Variants in SRPK2 observed in about 807,000 individuals in gnomAD.
SRPK2 encodes SRSF protein kinase 2, also known as SFRS protein kinase 2.
A neutral mutation model predicts 90.8 loss-of-function variants in SRPK2; 21 were observed. That is an observed-to-expected ratio of 0.23 (90% CI 0.16 to 0.33). SRPK2 has a LOEUF of 0.33. SRPK2 is among the 10% of genes least tolerant of loss of function. SRPK2 has a pLI of 1.00. For missense variants in SRPK2, 620 were observed against 869.0 expected, an observed-to-expected ratio of 0.71 and a Z score of 3.60; for synonymous variants, 288 against 311.1, an observed-to-expected ratio of 0.93 and a Z score of 0.78.
At chr7:105,145,749 T>A (rs1804524656) in intron 8 of SRPK2, among the ~76,000 whole-genome samples, 1 of 152,190 alleles carries the variant, frequency 6.6e-6, no homozygotes, top group South Asian at 2.1e-4. Context: ...CTGCAGTTGG[T>A]ATGCAGCAAA....
chr7:105,132,273 G>T (rs1157927224), intron 13 of SRPK2, among the ~76,000 whole-genome samples: 1 of 152,234 alleles, frequency 6.6e-6, no homozygotes, highest in Non-Finnish European at 1.5e-5. Flanking sequence ...TATAAGGGAA[G>T]AGAGATTATG....
intron 2 of SRPK2, among the ~76,000 whole-genome samples, chr7:105,287,131 G>A (rs1380181281): frequency 6.7e-6 from 1 of 150,086 alleles, no homozygotes; most frequent in African/African-American, 2.4e-5. Flanking sequence ...CGTAGTGGCG[G>A]GCGCCTGTAG....
intron 2 of SRPK2, among the ~76,000 whole-genome samples, chr7:105,281,571 G>A (rs1404060087): frequency 1.3e-5 from 2 of 151,800 alleles, no homozygotes; most frequent in Non-Finnish European, 2.9e-5. Flanking sequence ...AGGATCACTT[G>A]AGCCTTGAAG....
chr7:105,131,662 A>T (rs1401052043), intron 13 of SRPK2, among the ~76,000 whole-genome samples: 4 of 152,176 alleles, frequency 2.6e-5, no homozygotes, highest in African/African-American at 9.7e-5. Flanking sequence ...CAATGCTTTT[A>T]CTTGAGCATT....
intron 2 of SRPK2, among the ~76,000 whole-genome samples, chr7:105,322,951 T>C (rs545185245): frequency 1.3e-5 from 2 of 151,984 alleles, no homozygotes; most frequent in South Asian, 4.1e-4. Context: ...GTAATCCCAG[T>C]ACTTTGGGAG....
chr7:105,173,239 C>T lies in SRPK2; in HGVS notation c.230-3974G>A, dbSNP rs1791385137. Among the ~76,000 whole-genome samples the T allele has an allele frequency of 2.0e-5, 3 of 152,216 alleles. No homozygotes were observed. In the South Asian group the frequency reaches 6.2e-4, roughly 32 times the overall value. ...GTTCAAGCAATCTTCTCAACTCAGC[C>T]TCCAAGAAGTACATGCCACCATGCC... On this transcript the variant is annotated intron_variant, in intron 3 of 15. Transcript: ENST00000393651.
intron 2 of SRPK2, among the ~76,000 whole-genome samples, chr7:105,314,160 G>A (rs1475164719): frequency 6.6e-6 from 1 of 151,618 alleles, no homozygotes; most frequent in South Asian, 2.1e-4. Context: ...GTGAAACCCC[G>A]TCTCTACTAA....
chr7:105,210,765 T>C (rs571225580), intron 2 of SRPK2, among the ~76,000 whole-genome samples: 1 of 152,334 alleles, frequency 6.6e-6, no homozygotes, highest in African/African-American at 2.4e-5. Flanking sequence ...CAGAGGGTTT[T>C]CTTTGGCTGG....
At chr7:105,235,625 T>A (rs1044906583) in intron 2 of SRPK2, among the ~76,000 whole-genome samples, 8 of 152,194 alleles carry the variant, frequency 5.3e-5, no homozygotes, top group Admixed American at 5.2e-4. Context: ...TATATCACAA[T>A]CACTTATTGT....
chr7:105,295,288 TTAATA>T (rs1809648995), intron 2 of SRPK2, among the ~76,000 whole-genome samples: 2 of 151,690 alleles, frequency 1.3e-5, no homozygotes, highest in East Asian at 3.8e-4. Context: ...ATATAACGTT[TTAATA>T]TATTTTAATG....
At chr7:105,221,123 T>C (rs1425572534) in intron 2 of SRPK2, among the ~76,000 whole-genome samples, 1 of 152,214 alleles carries the variant, frequency 6.6e-6, no homozygotes, top group African/African-American at 2.4e-5. Context: ...ATTACGGATA[T>C]TCCTCAACTC....
At chr7:105,186,500 T>C (rs985771219) in intron 3 of SRPK2, among the ~76,000 whole-genome samples, 1 of 152,232 alleles carries the variant, frequency 6.6e-6, no homozygotes, top group African/African-American at 2.4e-5. Flanking sequence ...TCCAGCTTCA[T>C]CCATGTTGCT....
intron 6 of SRPK2, among the ~76,000 whole-genome samples, chr7:105,166,927 G>A (rs1175995908): frequency 6.6e-6 from 1 of 152,130 alleles, no homozygotes; most frequent in Admixed American, 6.5e-5. Context: ...CGCCACCTTG[G>A]GATGTGGACA....
chr7:105,216,908 T>C (rs527928592), intron 2 of SRPK2, among the ~76,000 whole-genome samples: 1 of 152,250 alleles, frequency 6.6e-6, no homozygotes, highest in East Asian at 1.9e-4. Flanking sequence ...GTGTTGTAAA[T>C]ATTAAAAGAG....
intron 2 of SRPK2, among the ~76,000 whole-genome samples, chr7:105,323,993 G>GTA (rs1554509944): frequency 2.3e-5 from 3 of 131,740 alleles, no homozygotes; most frequent in Admixed American, 7.9e-5. Context: ...GTGTGTGTGT[G>GTA]TGTGTGTGTG....
rs540129621 is a variant in SRPK2 at position 105,257,105 on chromosome 7, C to T, written c.72-53320G>A. Among the ~76,000 whole-genome samples the T allele has an allele frequency of 5.3e-5, 8 of 152,306 alleles. No individual in the cohort carries two copies. The South Asian group carries it at 8.3e-4, about 16-fold the overall frequency. ...AAGGTTTGTACACTGATATTCTGTA[C>T]AAAACCTACATTTCTGTGCTGGCTT... On this transcript the variant is annotated intron_variant, in intron 2 of 15. Transcript: ENST00000393651.
rs544888282 is a variant in SRPK2 at position 105,358,455 on chromosome 7, G to A, written c.71+30193C>T. ...AATCCCAGCACTTTGGAAGGCTGAA[G>A]CAAGTGGATCACTTGAGCTCAGGAG... On this transcript the variant is annotated intron_variant, in intron 2 of 15. Transcript: ENST00000393651. Among the ~76,000 whole-genome samples the A allele has an allele frequency of 3.3e-5, 5 of 152,264 alleles. 1 individual carries two copies. Among genetic ancestry groups the A allele is most frequent in the African/African-American group, 1.2e-4 (5 of 41,552 alleles).
intron 2 of SRPK2, among the ~76,000 whole-genome samples, chr7:105,328,710 A>C (rs1242432237): frequency 6.6e-6 from 1 of 151,026 alleles, no homozygotes; most frequent in Non-Finnish European, 1.5e-5. Flanking sequence ...TAAAAATACA[A>C]AAAAATTAGC....
chr7:105,360,037 A>C (rs933688749), intron 2 of SRPK2, among the ~76,000 whole-genome samples: 2 of 152,090 alleles, frequency 1.3e-5, no homozygotes, highest in Non-Finnish European at 2.9e-5. Context: ...GTCTCTAAGG[A>C]CTTGCTTTAT....
Sources: allele counts gnomAD v4.1 joint callset (sites outside exome capture counted in the v4.1 genomes callset), GRCh38; gene constraint gnomAD v4.1.1; transcripts MANE v1.5; gene names NCBI Gene and HGNC (gene_info 2026-07-23, HGNC 2026-07-21).